EFHC1: variants seen among roughly 807,000 people sequenced by gnomAD.
EFHC1 encodes the protein EF-hand domain-containing protein 1.
A neutral mutation model predicts 69.9 loss-of-function variants in EFHC1; 53 were observed. The observed-to-expected ratio is 0.76, with a 90% CI of 0.61 to 0.95. The LOEUF (loss-of-function observed/expected upper bound fraction) is 0.95. Among genes scored for constraint, EFHC1 ranks in the 40% least tolerant of loss-of-function variants. EFHC1 has a pLI of 0.00. For missense variants in EFHC1, 739 were observed against 798.7 expected, an observed-to-expected ratio of 0.93 and a Z score of 0.90; for synonymous variants, 256 against 278.4, an observed-to-expected ratio of 0.92 and a Z score of 0.80.
intron 3 of EFHC1, 59 bp downstream of exon 3, chr6:52,438,650 G>T (rs759761845): frequency 6.2e-5 from 97 of 1,565,062 alleles, no homozygotes; most frequent in Non-Finnish European, 8.3e-5. Flanking sequence ...TTTATAGAAG[G>T]ATACATTTCA....
At chr6:52,446,974 C>G (rs964070023) in intron 3 of EFHC1, among the ~76,000 whole-genome samples, 1 of 152,202 alleles carries the variant, frequency 6.6e-6, no homozygotes, top group Non-Finnish European at 1.5e-5. Context: ...CCCGAACTTT[C>G]TCTCTGGCTG....
chr6:52,469,340 C>A lies in EFHC1; in HGVS notation c.1145C>A (p.Pro382His). The A allele has an allele frequency of 6.2e-7, 1 of 1,613,878 alleles. No homozygotes were observed. The highest frequency in any genetic ancestry group is 8.5e-7 in the Non-Finnish European group (1 of 1,179,904). Residue 382 changes from proline (P) to histidine (H), a missense_variant, in exon 7 of 11, where the codon CCT (proline) becomes CAT (histidine). Coordinates refer to ENST00000371068, the MANE Select transcript of EFHC1 (RefSeq NM_018100.4). ...CTTCCTATGTATCTCCAGGAGTTGC[C>A]TCCTTATAACGGTTTTGGACTAGTG... The part of the protein sequence containing the change: ...REPPPVKQEL[P>H]PYNGFGLVED...
At position 52,479,212 on chromosome 6, in the gene EFHC1, A is replaced by G. The variant is rs534797617; in HGVS notation, c.1454A>G (p.Tyr485Cys). The G allele has an allele frequency of 1.9e-5, 30 of 1,614,000 alleles. No individual in the cohort carries two copies. The highest frequency in any genetic ancestry group is 1.3e-5 in the African/African-American group (1 of 74,936). Residue 485 changes from tyrosine to cysteine, a missense_variant, in exon 8 of 11, where the codon TAT (tyrosine) becomes TGT (cysteine). Physicochemically the swap from Tyr to Cys is radical, Grantham distance 194. Coordinates refer to ENST00000371068, the MANE Select transcript of EFHC1 (RefSeq NM_018100.4). ...PYSTVDNPVYYGPSDFFIGAV... is the reference protein window; with the variant it reads ...PYSTVDNPVYCGPSDFFIGAV... ...TCTACAGTGGACAACCCTGTCTACT[A>G]TGGCCCCAGTGACTTCTTCATTGGT...
chr6:52,454,841 C>T (rs577251619), intron 5 of EFHC1, among the ~76,000 whole-genome samples: 1 of 152,264 alleles, frequency 6.6e-6, no homozygotes, highest in East Asian at 1.9e-4. Flanking sequence ...CCTGTAATCC[C>T]AGCACTTTGG....
intron 5 of EFHC1, among the ~76,000 whole-genome samples, chr6:52,459,530 A>G (rs1765114993): frequency 6.6e-6 from 1 of 152,242 alleles, no homozygotes; most frequent in African/African-American, 2.4e-5. Flanking sequence ...ACCCACTAGA[A>G]TGTCCAAAAT....
intron 3 of EFHC1, among the ~76,000 whole-genome samples, chr6:52,450,045 C>G (rs917255642): frequency 6.6e-6 from 1 of 152,162 alleles, no homozygotes; most frequent in Non-Finnish European, 1.5e-5. Context: ...TGATTTCTGC[C>G]TTAATTTCAT....
At chr6:52,489,662 A>T (rs868782880) in intron 9 of EFHC1, among the ~76,000 whole-genome samples, 49 of 152,204 alleles carry the variant, frequency 3.2e-4, no homozygotes, top group Admixed American at 2.0e-3. Flanking sequence ...CACAAAATTC[A>T]GTGTGAATTG....
chr6:52,437,133 A>G (rs1346643028), intron 2 of EFHC1, among the ~76,000 whole-genome samples: 1 of 152,172 alleles, frequency 6.6e-6, no homozygotes, highest in Non-Finnish European at 1.5e-5. Flanking sequence ...CACCCTTCAA[A>G]GATTCTGTAG....
At chr6:52,473,899 A>G (rs944946172) in intron 7 of EFHC1, among the ~76,000 whole-genome samples, 3 of 152,224 alleles carry the variant, frequency 2.0e-5, no homozygotes, top group African/African-American at 7.2e-5. Context: ...GTGGGAGCAG[A>G]TGTTTAATAC....
chr6:52,495,269 T>A lies in EFHC1; in HGVS notation c.*2928T>A, dbSNP rs1456883245. On this transcript the variant is annotated 3_prime_UTR_variant, in exon 11 of 11. Transcript: ENST00000371068. ...GGAGAACCAGGTACCCCAAATCTTA[T>A]GCTCTCCAAACTCCAGGGGACAGAC... 1 of 453,958 alleles carries A rather than the reference T, an allele frequency of 2.2e-6. No individual in the cohort carries two copies. Among genetic ancestry groups the A allele is most frequent in the Non-Finnish European group, 4.4e-6 (1 of 226,788 alleles). 28.1% of individuals were successfully genotyped at this position (453,958 alleles called of 1,614,324 possible).
rs1325574316 is a variant in EFHC1 at position 52,494,426 on chromosome 6, C to G, written c.*2085C>G. 1 of 454,138 alleles carries G rather than the reference C, an allele frequency of 2.2e-6. No homozygotes were observed. Among genetic ancestry groups the G allele is most frequent in the Non-Finnish European group, 4.4e-6 (1 of 226,800 alleles). The allele number at this position is 454,138 out of a possible 1,614,324, so 28.1% of individuals were successfully genotyped here. ...CTCCCTTTGTTCCTATTCAGCCATGCTGCTGTTTCTAGCCCATGTAGGCTC... is the reference window on the plus strand; with the variant it reads ...CTCCCTTTGTTCCTATTCAGCCATGGTGCTGTTTCTAGCCCATGTAGGCTC... On this transcript the variant is annotated 3_prime_UTR_variant, in exon 11 of 11. Transcript: ENST00000371068.
chr6:52,466,692 G>A (rs778464694), intron 6 of EFHC1, among the ~76,000 whole-genome samples: 1 of 152,188 alleles, frequency 6.6e-6, no homozygotes, highest in Non-Finnish European at 1.5e-5. Flanking sequence ...TTCTTGAACT[G>A]GACTGAAGAA....
chr6:52,424,531 A>G lies in EFHC1; in HGVS notation c.285+364A>G, dbSNP rs148186262. Among the ~76,000 whole-genome samples, 534 of 152,304 alleles carry G rather than the reference A, an allele frequency of 3.5e-3. 3 individuals are homozygous for G. Among genetic ancestry groups the G allele is most frequent in the African/African-American group, 0.012 (504 of 41,576 alleles). ...TGTAATGGTGACATATCTAATCTTC[A>G]TGAGATGCAGAATATCATTATGAAA... On this transcript the variant is annotated intron_variant, in intron 2 of 10. Coordinates refer to ENST00000371068, the MANE Select transcript of EFHC1 (RefSeq NM_018100.4).
chr6:52,438,470 G>A lies in EFHC1; in HGVS notation c.452G>A (p.Arg151His), dbSNP rs191656603. 1.4e-5 allele frequency: 22 copies of A among 1,613,886 alleles called. No homozygotes were observed. The highest frequency in any genetic ancestry group is 5.3e-5 in the African/African-American group (4 of 74,904). ...SGILQGKLIK[R>H]QRLAKNDRGD... ...ATCCTTCAAGGCAAGTTAATAAAACGCCAGCGGCTAGCCAAGAATGACCGG... is the reference window on the plus strand; with the variant it reads ...ATCCTTCAAGGCAAGTTAATAAAACACCAGCGGCTAGCCAAGAATGACCGG... Residue 151 changes from arginine (R) to histidine (H), a missense_variant, in exon 3 of 11, where the codon CGC becomes CAC. Arg to His is a conservative substitution (Grantham distance 29, BLOSUM62 0). Transcript: ENST00000371068.
chr6:52,482,050 A>T (rs1765688422), intron 9 of EFHC1: 1 of 151,808 alleles, frequency 6.6e-6, no homozygotes, highest in Non-Finnish European at 1.5e-5. Context: ...CCCTTTAAAA[A>T]TTTTTGTCAC....
At chr6:52,473,431 C>T (rs1447877224) in intron 7 of EFHC1, among the ~76,000 whole-genome samples, 2 of 152,138 alleles carry the variant, frequency 1.3e-5, no homozygotes, top group African/African-American at 2.4e-5. Flanking sequence ...ATAATCTTAA[C>T]ATTATAGTAG....
At chr6:52,465,922 ACAT>A (rs1765297684) in intron 6 of EFHC1, among the ~76,000 whole-genome samples, 1 of 149,698 alleles carries the variant, frequency 6.7e-6, no homozygotes, top group Non-Finnish European at 1.5e-5. Flanking sequence ...ATGATAGGAC[ACAT>A]CATAATATGG....
chr6:52,475,716 TTTAA>T (rs1277668785), intron 7 of EFHC1, among the ~76,000 whole-genome samples: 1 of 152,350 alleles, frequency 6.6e-6, no homozygotes, highest in East Asian at 1.9e-4. Flanking sequence ...AGAACATATG[TTTAA>T]TTATTAATTC....
chr6:52,454,384 G>T lies in EFHC1; in HGVS notation c.916+97G>T, dbSNP rs115628899. On this transcript the variant is annotated intron_variant, in intron 5 of 10. Coordinates refer to ENST00000371068, the MANE Select transcript of EFHC1 (RefSeq NM_018100.4). Reference sequence around the variant, plus strand: ...ATGCAAAATTCGTTTATACTTGGAAGCCTCTAGCTATTTTTGCTTAGATGC... The same window carrying T: ...ATGCAAAATTCGTTTATACTTGGAATCCTCTAGCTATTTTTGCTTAGATGC... 1.1e-3 allele frequency: 1,649 copies of T among 1,470,172 alleles called. 18 individuals carry two copies. The African/African-American group carries it at 0.019, about 17-fold the overall frequency. 91.1% of individuals were successfully genotyped at this position (1,470,172 alleles called of 1,614,324 possible).
Sources: allele counts gnomAD v4.1 joint callset (sites outside exome capture counted in the v4.1 genomes callset), GRCh38; gene constraint gnomAD v4.1.1; transcripts MANE v1.5; gene names NCBI Gene and HGNC (gene_info 2026-07-23, HGNC 2026-07-21).